The following SRFBP1 variants were observed in gnomAD, a reference collection of about 807,000 sequenced individuals.
SRFBP1 encodes serum response factor binding protein 1.
A neutral mutation model predicts 45.5 loss-of-function variants in SRFBP1; 47 were observed. That is an observed-to-expected ratio of 1.03 (90% CI 0.82 to 1.32). The LOEUF is 1.32. Among genes scored for constraint, SRFBP1 ranks in the 40% most tolerant of loss-of-function variants. The probability of loss-of-function intolerance (pLI) is 0.00; values close to 1 mark genes in which losing one functional copy is unlikely to be tolerated. For synonymous variants in SRFBP1, 203 were observed against 166.3 expected (o/e 1.22, Z -1.70); for missense variants, 621 against 484.6 (o/e 1.28, Z -2.64).
At chr5:122,071,159 A>G (rs1754439459) in intron 2 of SRFBP1, among the ~76,000 whole-genome samples, 1 of 151,856 alleles carries the variant, frequency 6.6e-6, no homozygotes, top group Non-Finnish European at 1.5e-5. Flanking sequence ...CATTTATTAA[A>G]TAGTATGTGG....
intron 1 of SRFBP1, among the ~76,000 whole-genome samples, chr5:121,969,523 T>C (rs977680564): frequency 6.6e-6 from 1 of 152,068 alleles, no homozygotes; most frequent in African/African-American, 2.4e-5. Flanking sequence ...TTTTCTCAAA[T>C]AGCTATATTA....
chr5:122,045,073 A>G (rs1047377286), intron 2 of SRFBP1, among the ~76,000 whole-genome samples: 1 of 152,196 alleles, frequency 6.6e-6, no homozygotes, highest in Admixed American at 6.5e-5. Context: ...AATCTTCTGC[A>G]TATGGCTAGC....
intron 2 of SRFBP1, among the ~76,000 whole-genome samples, chr5:122,068,792 AAC>A (rs1754371466): frequency 6.6e-6 from 1 of 152,180 alleles, no homozygotes; most frequent in African/African-American, 2.4e-5. Context: ...GGCATCAACA[AAC>A]AGTACAAAAA....
intron 2 of SRFBP1, among the ~76,000 whole-genome samples, chr5:122,038,158 G>A (rs944670338): frequency 2.6e-5 from 4 of 152,050 alleles, no homozygotes; most frequent in African/African-American, 7.2e-5. Context: ...ATAAACATCC[G>A]TTTTGTTAAA....
chr5:122,046,120 A>G (rs886722152), intron 2 of SRFBP1, among the ~76,000 whole-genome samples: 40 of 152,092 alleles, frequency 2.6e-4, no homozygotes, highest in Middle Eastern at 3.2e-3. Context: ...ACATGTATAC[A>G]TGTGCCATGT....
chr5:122,077,686 G>C (rs1278157005), downstream of SRFBP1: 3 of 1,600,324 alleles, frequency 1.9e-6, no homozygotes, highest in Non-Finnish European at 2.6e-6. The surrounding 1 kb of genome is among the most constrained non-coding windows in gnomAD (Gnocchi z 4.9). Context: ...TTCGCGCCGC[G>C]GCGGTGCGGT....
At position 122,041,745 on chromosome 5, in the gene SRFBP1, T is replaced by C. The variant is rs555024512; in HGVS notation, n.311+19338T>C. On this transcript the variant is annotated intron_variant and non_coding_transcript_variant, in intron 2 of 2. Transcript: ENST00000504881. ...TTGTATTTTTCCAGGTTCAGAATTA[T>C]ATCATCTAAAGATATTAATAGTTTT... is the stretch of plus-strand genomic sequence containing the variant. Among the ~76,000 whole-genome samples, 14 of 152,304 alleles carry C rather than the reference T, an allele frequency of 9.2e-5. No homozygotes were observed. In the South Asian group the frequency reaches 2.7e-3, roughly 29 times the overall value.
chr5:122,030,291 C>A (rs1441859300), downstream of SRFBP1, among the ~76,000 whole-genome samples: 1 of 152,212 alleles, frequency 6.6e-6, no homozygotes, highest in African/African-American at 2.4e-5. Flanking sequence ...GAATCTAAAT[C>A]TTGATAAGAA....
intron 2 of SRFBP1, chr5:122,064,396 G>A (rs1025352335): frequency 1.3e-5 from 2 of 151,402 alleles, no homozygotes; most frequent in African/African-American, 4.9e-5. Flanking sequence ...GCCAGGAGGG[G>A]GATGAATGTT....
At position 121,968,221 on chromosome 5, in the gene SRFBP1, CATTATTATT is replaced by C. The variant is rs5870986; in HGVS notation, c.37-5947_37-5939del. ...AACCTCAGATAGTACCAAACTCTGT[CATTATTATT>C]ATTATTATTATTATTATTATTATTA... On this transcript the variant is annotated intron_variant, in intron 1 of 7. Coordinates refer to ENST00000339397, the MANE Select transcript of SRFBP1 (RefSeq NM_152546.3). 3.0e-3 allele frequency among the ~76,000 whole-genome samples: 430 copies of C among 144,702 alleles called. 2 individuals are homozygous for C. The highest frequency in any genetic ancestry group is 7.3e-3 in the Admixed American group (105 of 14,414). The allele number at this position is 144,702 out of a possible 152,430, so 94.9% of individuals were successfully genotyped here. A position where few individuals can be genotyped will look rare whatever the true frequency, so the allele number is the denominator to read the frequency against.
chr5:122,067,710 A>G (rs1245459354), intron 2 of SRFBP1, among the ~76,000 whole-genome samples: 2 of 152,092 alleles, frequency 1.3e-5, no homozygotes, highest in African/African-American at 4.8e-5. Flanking sequence ...TAACTCCACA[A>G]AATTCATGCT....
At chr5:122,068,486 G>C (rs1170758709) in intron 2 of SRFBP1, among the ~76,000 whole-genome samples, 1 of 152,058 alleles carries the variant, frequency 6.6e-6, no homozygotes, top group Non-Finnish European at 1.5e-5. Context: ...CTCTATTACA[G>C]TTATATGTGT....
chr5:122,003,397 G>A (rs910766847), intron 4 of SRFBP1, among the ~76,000 whole-genome samples: 1 of 150,930 alleles, frequency 6.6e-6, no homozygotes. Flanking sequence ...TTTTAAATGT[G>A]TGCTCAGGTC....
intron 2 of SRFBP1, among the ~76,000 whole-genome samples, chr5:122,051,445 T>TC (rs1411090392): frequency 6.6e-6 from 1 of 152,150 alleles, no homozygotes; most frequent in Admixed American, 6.5e-5. Flanking sequence ...CCTGTTTGGC[T>TC]CCCTATATAT....
chr5:122,057,123 T>C (rs1056721620), intron 2 of SRFBP1, among the ~76,000 whole-genome samples: 5 of 152,200 alleles, frequency 3.3e-5, no homozygotes, highest in African/African-American at 1.2e-4. Flanking sequence ...AGTAACCTCT[T>C]TGAAAATGTT....
intron 2 of SRFBP1, among the ~76,000 whole-genome samples, chr5:122,075,024 G>C (rs927647876): frequency 6.6e-6 from 1 of 152,182 alleles, no homozygotes; most frequent in Non-Finnish European, 1.5e-5. Flanking sequence ...CTTTCTTTGA[G>C]AATGGTTTCT....
intron 2 of SRFBP1, among the ~76,000 whole-genome samples, chr5:122,056,298 A>G (rs549179300): frequency 2.0e-4 from 30 of 152,288 alleles, no homozygotes; most frequent in East Asian, 1.2e-3. Flanking sequence ...GGGTAGAACA[A>G]TGACCAGCTG....
chr5:122,015,647 G>A (rs548676148), intron 4 of SRFBP1, among the ~76,000 whole-genome samples: 1 of 152,328 alleles, frequency 6.6e-6, no homozygotes, highest in South Asian at 2.1e-4. Flanking sequence ...AGTTCCAGCG[G>A]CAGGCTGGAA....
chr5:122,068,817 TGAA>T (rs1754372138), intron 2 of SRFBP1, among the ~76,000 whole-genome samples: 2 of 151,916 alleles, frequency 1.3e-5, no homozygotes, highest in South Asian at 4.2e-4. Context: ...AGAGTGCAAA[TGAA>T]TAAATAAATG....
Sources: allele counts gnomAD v4.1 joint callset (sites outside exome capture counted in the v4.1 genomes callset), GRCh38; gene constraint gnomAD v4.1.1; non-coding constraint Gnocchi (gnomAD v3.1); transcripts MANE v1.5; gene names NCBI Gene and HGNC (gene_info 2026-07-23, HGNC 2026-07-21).